Variants in OTOP1 observed in about 807,000 individuals in gnomAD.
OTOP1 encodes the protein otopetrin 1, also known as proton channel OTOP1.
OTOP1 carries 59 observed loss-of-function variants against 52.9 expected under a neutral mutation model. The observed-to-expected ratio is 1.12, with a 90% CI of 0.91 to 1.39. The LOEUF (loss-of-function observed/expected upper bound fraction) is 1.39, where lower values mean the gene tolerates loss of function less well. Ranked by LOEUF, OTOP1 falls within the 40% of genes most tolerant of loss-of-function variation. OTOP1 has a pLI of 0.00. For synonymous variants in OTOP1, 317 were observed against 337.7 expected (o/e 0.94, Z 0.67); for missense variants, 761 against 800.9 (o/e 0.95, Z 0.60).
chr4:4,195,571 C>A (rs957442569), intron 5 of OTOP1, among the ~76,000 whole-genome samples: 2 of 152,198 alleles, frequency 1.3e-5, no homozygotes, highest in African/African-American at 4.8e-5. Context: ...CGGCAACAAG[C>A]ACCACACCAC....
chr4:4,202,805 C>T (rs1390782033), intron 3 of OTOP1, among the ~76,000 whole-genome samples: 1 of 152,214 alleles, frequency 6.6e-6, no homozygotes, highest in Non-Finnish European at 1.5e-5. Flanking sequence ...CTTGAACTTG[C>T]CAGTACTCAA....
intron 1 of OTOP1, among the ~76,000 whole-genome samples, chr4:4,219,614 G>T (rs1180000223): frequency 1.3e-5 from 2 of 151,076 alleles, no homozygotes; most frequent in Non-Finnish European, 2.9e-5. Context: ...GGAAAATGGC[G>T]TGAATCCAGG....
At chr4:4,196,575 T>A (rs1418724196) in intron 5 of OTOP1, among the ~76,000 whole-genome samples, 2 of 151,846 alleles carry the variant, frequency 1.3e-5, no homozygotes, top group African/African-American at 4.8e-5. Flanking sequence ...GAGAGTTTTT[T>A]AAATTAGCCA....
chr4:4,225,973 G>C (rs1477455358), intron 1 of OTOP1, among the ~76,000 whole-genome samples: 1 of 152,234 alleles, frequency 6.6e-6, no homozygotes, highest in East Asian at 1.9e-4. Flanking sequence ...AAGTGGAAAA[G>C]ACATTCCTGG....
chr4:4,224,346 C>CAA (rs57436899), intron 1 of OTOP1, among the ~76,000 whole-genome samples: 8,911 of 115,214 alleles, frequency 0.077, 467 homozygotes, highest in East Asian at 0.33. Flanking sequence ...GACTCCATCT[C>CAA]AAAAAAAAAA....
chr4:4,224,128 C>A (rs551308072), intron 1 of OTOP1, among the ~76,000 whole-genome samples: 19 of 152,050 alleles, frequency 1.2e-4, no homozygotes, highest in Admixed American at 8.5e-4. Flanking sequence ...GCAGGCAGAT[C>A]ACGAGGTCAG....
intron 5 of OTOP1, among the ~76,000 whole-genome samples, chr4:4,193,739 C>T (rs112710720): frequency 1.5e-4 from 23 of 152,310 alleles, no homozygotes; most frequent in African/African-American, 3.8e-4. Flanking sequence ...GTCTGGCTTT[C>T]GGGTCCTGAC....
chr4:4,220,113 T>TTA, intron 1 of OTOP1, among the ~76,000 whole-genome samples: 1 of 137,564 alleles, frequency 7.3e-6, no homozygotes, highest in African/African-American at 2.7e-5. Flanking sequence ...ATATTTTTTT[T>TTA]TTTTTTGAGA....
chr4:4,199,125 G>A (rs192678157), intron 4 of OTOP1, among the ~76,000 whole-genome samples: 314 of 152,076 alleles, frequency 2.1e-3, no homozygotes, highest in Non-Finnish European at 2.9e-3. Flanking sequence ...GGAGGCAGAG[G>A]TTGCAGTGAG....
At chr4:4,214,957 A>G (rs755427377) in intron 1 of OTOP1, among the ~76,000 whole-genome samples, 1 of 151,984 alleles carries the variant, frequency 6.6e-6, no homozygotes, top group Non-Finnish European at 1.5e-5. Context: ...ATATAAGTGC[A>G]TGTTTTACCA....
At chr4:4,219,001 T>TA (rs1010441860) in intron 1 of OTOP1, among the ~76,000 whole-genome samples, 87 of 151,382 alleles carry the variant, frequency 5.7e-4, no homozygotes, top group African/African-American at 1.9e-3. Context: ...ATTAATGGAA[T>TA]AAAAAAATCA....
chr4:4,191,500 C>A (rs1177080912), intron 5 of OTOP1, among the ~76,000 whole-genome samples: 1 of 152,240 alleles, frequency 6.6e-6, no homozygotes, highest in Non-Finnish European at 1.5e-5. Context: ...CCCACTCACC[C>A]CACCCACATG....
chr4:4,219,921 GTATACATGTATACATATATACACATA>G (rs1560211391), intron 1 of OTOP1, among the ~76,000 whole-genome samples: 83 of 135,882 alleles, frequency 6.1e-4, no homozygotes, highest in Non-Finnish European at 4.4e-4. Flanking sequence ...GTGTATATAC[GTATACATGTATACATATATACACATA>G]TATACGTATA....
chr4:4,221,975 T>C (rs1717311129), intron 1 of OTOP1, among the ~76,000 whole-genome samples: 1 of 152,168 alleles, frequency 6.6e-6, no homozygotes, highest in Non-Finnish European at 1.5e-5. Flanking sequence ...CCCAGAACCA[T>C]CATCTTCTTC....
intron 4 of OTOP1, among the ~76,000 whole-genome samples, chr4:4,199,622 A>G (rs1716735122): frequency 6.6e-6 from 1 of 152,188 alleles, no homozygotes; most frequent in East Asian, 1.9e-4. Context: ...CACGTTGGCT[A>G]GGCTGGTCTT....
chr4:4,224,239 T>G (rs188767035), intron 1 of OTOP1, among the ~76,000 whole-genome samples: 1 of 150,374 alleles, frequency 6.7e-6, no homozygotes, highest in Non-Finnish European at 1.5e-5. Flanking sequence ...CCCAGCTACT[T>G]GGGAGGCTGA....
chr4:4,209,744 T>G (rs2108801916), intron 2 of OTOP1, among the ~76,000 whole-genome samples: 1 of 152,250 alleles, frequency 6.6e-6, no homozygotes, highest in African/African-American at 2.4e-5. Flanking sequence ...TTAAGTAATT[T>G]GCCTGAAGTC....
intron 4 of OTOP1, among the ~76,000 whole-genome samples, chr4:4,200,039 A>G (rs186028289): frequency 3.3e-5 from 5 of 152,366 alleles, no homozygotes; most frequent in East Asian, 3.9e-4. Flanking sequence ...ATAAAAAAAG[A>G]TCAAATATAT....
chr4:4,217,192 T>C (rs1288994830), intron 1 of OTOP1, among the ~76,000 whole-genome samples: 1 of 152,268 alleles, frequency 6.6e-6, no homozygotes, highest in African/African-American at 2.4e-5. Context: ...CGGTTATTTA[T>C]ACAACAAATA....
Sources: allele counts gnomAD v4.1 joint callset (sites outside exome capture counted in the v4.1 genomes callset), GRCh38; gene constraint gnomAD v4.1.1; transcripts MANE v1.5; gene names NCBI Gene and HGNC (gene_info 2026-07-23, HGNC 2026-07-21).